POLD3: variants seen among roughly 807,000 people sequenced by gnomAD.
POLD3 encodes DNA polymerase delta 3, accessory subunit.
In POLD3, 19 loss-of-function variants were observed where a neutral mutation model predicts 58.2. That is an observed-to-expected ratio of 0.33 (90% CI 0.23 to 0.48). The LOEUF (loss-of-function observed/expected upper bound fraction) is 0.48, where lower values mean the gene tolerates loss of function less well. POLD3 is among the 20% of genes least tolerant of loss of function. The probability of loss-of-function intolerance (pLI) is 0.99; values close to 1 mark genes in which losing one functional copy is unlikely to be tolerated. For missense variants in POLD3, 504 were observed against 545.5 expected (o/e 0.92, Z 0.76); for synonymous variants, 172 against 193.5 (o/e 0.89, Z 0.92).
intron 11 of POLD3, among the ~76,000 whole-genome samples, chr11:74,639,246 C>T (rs887368175): frequency 1.3e-5 from 2 of 152,224 alleles, no homozygotes; most frequent in African/African-American, 4.8e-5. Context: ...TTAACAAGCC[C>T]TCCAGGTGGT....
chr11:74,666,310 T>C (rs1425883896), intron 4 of POLD3, among the ~76,000 whole-genome samples: 1 of 152,194 alleles, frequency 6.6e-6, no homozygotes, highest in Non-Finnish European at 1.5e-5. Flanking sequence ...TCAGGAAATA[T>C]CTTCTCATCT....
chr11:74,611,051 A>G (rs1012331595), intron 3 of POLD3, among the ~76,000 whole-genome samples: 1 of 152,222 alleles, frequency 6.6e-6, no homozygotes, highest in African/African-American at 2.4e-5. Flanking sequence ...TTGGGATTAC[A>G]GGCGTGACCC....
chr11:74,613,597 C>T (rs2031984653), intron 5 of POLD3, among the ~76,000 whole-genome samples: 1 of 152,088 alleles, frequency 6.6e-6, no homozygotes, highest in South Asian at 2.1e-4. Flanking sequence ...GGTTTCTTTG[C>T]CTTTAAATTC....
chr11:74,597,410 C>T (rs1354223254), intron 2 of POLD3, among the ~76,000 whole-genome samples: 2 of 152,144 alleles, frequency 1.3e-5, no homozygotes, highest in Non-Finnish European at 2.9e-5. Context: ...TTAAAAAAAT[C>T]ATGGTTATCA....
rs745455802 is a variant in POLD3 at position 74,625,491 on chromosome 11, C to A, written c.817C>A (p.Pro273Thr). The change falls in exon 8 of 12, where the codon CCA becomes ACA. Residue 273 changes from proline (P) to threonine (T), a missense_variant. This residue lies in a region of POLD3 where 385 missense variants were observed against 370.5 expected (regional missense o/e 1.04). Transcript: ENST00000263681. Reference protein sequence around the residue: ...VEQPTVSVTEPKLATPAGLKK... With the variant: ...VEQPTVSVTETKLATPAGLKK... ...GCAGCCTACAGTGTCTGTCACGGAACCAAAGCTGGCAACTCCTGCAGGCCT... is the reference window on the plus strand; with the variant it reads ...GCAGCCTACAGTGTCTGTCACGGAAACAAAGCTGGCAACTCCTGCAGGCCT... 2 of 1,613,586 alleles carry A rather than the reference C, an allele frequency of 1.2e-6. No homozygotes were observed. The highest frequency in any genetic ancestry group is 2.7e-5 in the African/African-American group (2 of 74,844).
At chr11:74,607,449 A>G (rs1202405685) in intron 3 of POLD3, among the ~76,000 whole-genome samples, 1 of 147,184 alleles carries the variant, frequency 6.8e-6, no homozygotes, top group Non-Finnish European at 1.5e-5. Context: ...TTGTATTTTT[A>G]GTAGAGACGG....
rs528162681 is a variant in POLD3, at chr11:74,610,614, A to G, written c.220-885A>G. Among the ~76,000 whole-genome samples, 176 of 149,076 alleles carry G rather than the reference A, an allele frequency of 1.2e-3. 1 individual carries two copies. Among genetic ancestry groups the G allele is most frequent in the South Asian group, 5.4e-3 (26 of 4,772 alleles). On this transcript the variant is annotated intron_variant, in intron 3 of 11. Coordinates refer to ENST00000263681, the MANE Select transcript of POLD3 (RefSeq NM_006591.3). ...AGTTGCAGTTTTTTTCCGCTTTATC[A>G]TTTGTTTTTGTACTTACGTTTTTTT... is the stretch of plus-strand genomic sequence containing the variant.
At chr11:74,647,711 G>T (rs1202520753), downstream of POLD3, among the ~76,000 whole-genome samples, 1 of 152,060 alleles carries the variant, frequency 6.6e-6, no homozygotes, top group Non-Finnish European at 1.5e-5. Flanking sequence ...ACCATCTGTT[G>T]GGAAGGCAAA....
chr11:74,620,059 A>G lies in POLD3; in HGVS notation c.703A>G (p.Met235Val). The G allele has an allele frequency of 6.2e-7, 1 of 1,613,742 alleles. No individual in the cohort carries two copies. Among genetic ancestry groups the G allele is most frequent in the Non-Finnish European group, 8.5e-7 (1 of 1,179,634 alleles). ...GNKAPGKGNMMSNFFGKAAMN... is the reference protein window; with the variant it reads ...GNKAPGKGNMVSNFFGKAAMN... Reference sequence around the variant, plus strand: ...CAAGGCACCAGGGAAAGGGAATATGATGAGCAACTTTTTTGGAAAAGCTGC... The same window carrying G: ...CAAGGCACCAGGGAAAGGGAATATGGTGAGCAACTTTTTTGGAAAAGCTGC... Residue 235 changes from methionine to valine, a missense_variant, in exon 7 of 12, where the codon ATG (methionine) becomes GTG (valine). Met to Val is a conservative substitution (Grantham distance 21). Around this residue, in one of 2 missense-constraint regions of POLD3, gnomAD observed 385 missense variants for 370.5 expected, o/e 1.04. Coordinates refer to ENST00000263681, the MANE Select transcript of POLD3 (RefSeq NM_006591.3).
At position 74,642,743 on chromosome 11, in the gene POLD3, A is replaced by G; in HGVS notation, c.*1977A>G. On this transcript the variant is annotated 3_prime_UTR_variant, in exon 12 of 12. Transcript: ENST00000263681. The stretch of plus-strand genomic sequence containing the variant: ...TTTAAAACAGTGCTTCAAACTGAGT[A>G]TCTGATGAGTCTCTTATTTGATGGA... The G allele has an allele frequency of 1.0e-6, 1 of 984,230 alleles. No homozygotes were observed. The highest frequency in any genetic ancestry group is 1.2e-6 in the Non-Finnish European group (1 of 828,894). 61.0% of individuals were successfully genotyped at this position (984,230 alleles called of 1,614,324 possible).
intron 4 of POLD3, among the ~76,000 whole-genome samples, chr11:74,659,790 T>C (rs2033182907): frequency 6.6e-6 from 1 of 152,212 alleles, no homozygotes; most frequent in Admixed American, 6.5e-5. Flanking sequence ...TTCATATCAC[T>C]ATCAGCATTT....
intron 2 of POLD3, among the ~76,000 whole-genome samples, chr11:74,595,676 G>C (rs1472862160): frequency 2.0e-5 from 3 of 152,190 alleles, no homozygotes; most frequent in Admixed American, 6.5e-5. Flanking sequence ...GAGTGCAGTG[G>C]TGTGATCTCA....
chr11:74,660,852 A>C (rs188630111), intron 4 of POLD3, among the ~76,000 whole-genome samples: 6 of 152,084 alleles, frequency 3.9e-5, no homozygotes, highest in Admixed American at 3.9e-4. Flanking sequence ...TATAAATTAC[A>C]TAGTCTCAGG....
intron 2 of POLD3, among the ~76,000 whole-genome samples, chr11:74,600,858 C>T (rs1357056904): frequency 6.6e-5 from 10 of 151,496 alleles, no homozygotes; most frequent in African/African-American, 2.2e-4. Context: ...ACTGGGATTA[C>T]GGGCATGCGC....
At chr11:74,613,601 T>A (rs2031984785) in intron 5 of POLD3, among the ~76,000 whole-genome samples, 1 of 152,202 alleles carries the variant, frequency 6.6e-6, no homozygotes, top group African/African-American at 2.4e-5. Flanking sequence ...TCTTTGCCTT[T>A]AAATTCAATG....
chr11:74,645,655 C>T (rs554629364), downstream of POLD3, among the ~76,000 whole-genome samples: 38 of 152,330 alleles, frequency 2.5e-4, no homozygotes, highest in African/African-American at 7.2e-4. Context: ...TGAAATAATG[C>T]ATGGGCAGTC....
downstream of POLD3, chr11:74,669,172 G>T: frequency 5.7e-6 from 1 of 175,962 alleles, no homozygotes; most frequent in South Asian, 1.2e-4. Context: ...CTGTAACCAG[G>T]GACAATAATG....
intron 4 of POLD3, among the ~76,000 whole-genome samples, chr11:74,651,583 C>T (rs544812159): frequency 1.3e-5 from 2 of 152,114 alleles, no homozygotes; most frequent in Non-Finnish European, 2.9e-5. Flanking sequence ...AGGAGAAAAA[C>T]CACACAGGAG....
At chr11:74,615,696 G>A (rs904992466) in intron 5 of POLD3, among the ~76,000 whole-genome samples, 2 of 152,164 alleles carry the variant, frequency 1.3e-5, no homozygotes, top group African/African-American at 2.4e-5. Context: ...GGAAGAAAAG[G>A]TTGAAAATCC....
Sources: allele counts gnomAD v4.1 joint callset (sites outside exome capture counted in the v4.1 genomes callset), GRCh38; gene constraint gnomAD v4.1.1; regional missense constraint gnomAD v4.1.1; transcripts MANE v1.5; gene names NCBI Gene and HGNC (gene_info 2026-07-23, HGNC 2026-07-21).